The following KMT2A variants were observed in gnomAD, a reference collection of about 807,000 sequenced individuals.
The protein encoded by KMT2A is histone-lysine N-methyltransferase 2A.
Under a neutral mutation model 345.3 loss-of-function variants are expected in KMT2A, and 16 were observed. The observed-to-expected ratio is 0.05, with a 90% CI of 0.03 to 0.07. The LOEUF is 0.07. KMT2A is among the 10% of genes least tolerant of loss of function. KMT2A has a pLI of 1.00. For synonymous variants in KMT2A, 1,599 were observed against 1,778.6 expected (o/e 0.90, Z 2.54); for missense variants, 3,272 against 4,841.6 (o/e 0.68, Z 9.62).
chr11:118,506,351 A>G lies in KMT2A; in HGVS notation c.10459A>G (p.Thr3487Ala). The change falls in exon 27 of 36, where the codon ACC becomes GCC. Residue 3487 changes from threonine to alanine, a missense_variant. Thr to Ala is a moderately conservative substitution (Grantham distance 58). Around this residue, in one of 27 missense-constraint regions of KMT2A, gnomAD observed 748 missense variants for 922.2 expected, o/e 0.81. Transcript: ENST00000534358. ...TTCAGGGCCCCAGGTATCCAACTTTACCCAGACGGTAGACGCTCCTAATAG... is the reference window on the plus strand; with the variant it reads ...TTCAGGGCCCCAGGTATCCAACTTTGCCCAGACGGTAGACGCTCCTAATAG... ...SASGPQVSNF[T>A]QTVDAPNSMG... 6.2e-7 allele frequency: 1 copy of G among 1,614,020 alleles called. No homozygotes were observed. Among genetic ancestry groups the G allele is most frequent in the South Asian group, 1.1e-5 (1 of 91,076 alleles).
chr11:118,505,519 C>T lies in KMT2A; in HGVS notation c.9627C>T (p.Asp3209=), dbSNP rs782261855. 6 of 1,614,170 alleles carry T rather than the reference C, an allele frequency of 3.7e-6. No homozygotes were observed. The South Asian group carries it at 6.6e-5, about 18-fold the overall frequency. ...TTTCAGAATCCAGCCAGAGGACAGA[C>T]CTCAGTACCACAGTAGCCACTCCAT... The part of the protein sequence containing the change: ...LLVSESSQRT[D]LSTTVATPSS... The change falls in exon 27 of 36, where the codon GAC becomes GAT. Residue 3209 remains aspartate, a synonymous_variant. Transcript: ENST00000534358. The surrounding 1 kb of genome is among the most constrained non-coding windows in gnomAD (Gnocchi z 4.6).
At chr11:118,507,813 A>C in intron 28 of KMT2A, 9 of 468,826 alleles carry the variant, frequency 1.9e-5, no homozygotes, top group Non-Finnish European at 2.0e-5. Context: ...TACAAAAAGA[A>C]TTAGCCGGGC....
Position 118,495,152 on chromosome 11 carries a change from A to AT in KMT2A, c.5363+388dup, listed in dbSNP as rs1300658897. Among the ~76,000 whole-genome samples, 4 of 149,796 alleles carry AT rather than the reference A, an allele frequency of 2.7e-5. No homozygotes were observed. The highest frequency in any genetic ancestry group is 9.8e-5 in the African/African-American group (4 of 40,622). On this transcript the variant is annotated intron_variant, in intron 18 of 35. Transcript: ENST00000534358. The surrounding 1 kb of genome is among the most constrained non-coding windows in gnomAD (Gnocchi z 4.1). ...CAGTAAATTCTTTTGATTTGATTTT[A>AT]TTTATTTATTTATTTTTTTTTTTTT...
chr11:118,500,875 A>G, intron 24 of KMT2A, 112 bp from the exon 25 acceptor site: 1 of 733,602 alleles, frequency 1.4e-6, no homozygotes, highest in Non-Finnish European at 2.2e-6. Context: ...ATAAAGCTAA[A>G]CTCTGTAATT....
At chr11:118,508,560 G>T (rs1221109484) in intron 28 of KMT2A, among the ~76,000 whole-genome samples, 1 of 151,966 alleles carries the variant, frequency 6.6e-6, no homozygotes, top group Non-Finnish European at 1.5e-5. Flanking sequence ...AACATAGGGA[G>T]ACCCTCTCTC....
Position 118,520,735 on chromosome 11 carries a change from CTTCGA to C in KMT2A, c.11430-63_11430-59del. 1 of 1,186,592 alleles carries C rather than the reference CTTCGA, an allele frequency of 8.4e-7. No homozygotes were observed. Among genetic ancestry groups the C allele is most frequent in the Non-Finnish European group, 1.3e-6 (1 of 792,648 alleles). 73.5% of individuals were successfully genotyped at this position (1,186,592 alleles called of 1,614,324 possible). A position where few individuals can be genotyped will look rare whatever the true frequency, so the allele number is the denominator to read the frequency against. Reference sequence around the variant, plus strand: ...GAGTGTACTAATTGTCTCTAGGAACCTTCGATTCAAGACTCAAAACATTATTTCCT... The same window carrying C: ...GAGTGTACTAATTGTCTCTAGGAACCTTCAAGACTCAAAACATTATTTCCT... On this transcript the variant is annotated intron_variant, in intron 33 of 35. Coordinates refer to ENST00000534358, the MANE Select transcript of KMT2A (RefSeq NM_001197104.2). This position sits in a 1 kb window ranked among gnomAD's most constrained non-coding sequence, Gnocchi z 4.3.
intron 1 of KMT2A, among the ~76,000 whole-genome samples, chr11:118,460,664 AT>A (rs1314134431): frequency 2.0e-5 from 3 of 149,814 alleles, no homozygotes; most frequent in African/African-American, 7.4e-5. Flanking sequence ...CTTCAGTAAC[AT>A]TGTTTTTTTA....
At chr11:118,451,184 C>T (rs549272028) in intron 1 of KMT2A, among the ~76,000 whole-genome samples, 2 of 151,614 alleles carry the variant, frequency 1.3e-5, no homozygotes, top group South Asian at 2.1e-4. Context: ...CGTCCCTTCC[C>T]TCATGAAACT....
rs1555039208 is a variant in KMT2A at position 118,481,706 on chromosome 11, T to C, written c.3635-9T>C. 3 of 1,600,592 alleles carry C rather than the reference T, an allele frequency of 1.9e-6. No individual in the cohort carries two copies. Among genetic ancestry groups the C allele is most frequent in the Admixed American group, 1.8e-5 (1 of 56,740 alleles). ...ATAGACAGATGATGTTGTTGTGTTT[T>C]TCCCTCAGCTGTGAAAAAGAAAGAG... On this transcript the variant is annotated splice_polypyrimidine_tract_variant and intron_variant, in intron 6 of 35. Transcript: ENST00000534358.
chr11:118,485,278 T>C (rs1294338510), intron 10 of KMT2A, among the ~76,000 whole-genome samples: 1 of 152,160 alleles, frequency 6.6e-6, no homozygotes, highest in Non-Finnish European at 1.5e-5. Context: ...TTAAAAGGGA[T>C]GCTATTGATG....
chr11:118,498,767 C>T lies in KMT2A; in HGVS notation c.5961+239C>T, dbSNP rs945572692. On this transcript the variant is annotated intron_variant, in intron 22 of 35. Coordinates refer to ENST00000534358, the MANE Select transcript of KMT2A (RefSeq NM_001197104.2). This position sits in a 1 kb window ranked among gnomAD's most constrained non-coding sequence, Gnocchi z 4.4. ...CTCCTGTAGTTTACATCAGCATTCA[C>T]TCTTGGTGTTGTACATTCTGTGGGT... is the stretch of plus-strand genomic sequence containing the variant. Among the ~76,000 whole-genome samples the T allele has an allele frequency of 1.3e-5, 2 of 152,148 alleles. No individual in the cohort carries two copies.
At chr11:118,488,109 G>T (rs1555041392) in intron 10 of KMT2A, among the ~76,000 whole-genome samples, 2 of 152,306 alleles carry the variant, frequency 1.3e-5, no homozygotes, top group Admixed American at 1.3e-4. Context: ...GAACCCAGGA[G>T]GCGGAGGTTG....
At chr11:118,507,744 C>G (rs989691734) in intron 28 of KMT2A, 135 bp downstream of exon 28, 1 of 667,602 alleles carries the variant, frequency 1.5e-6, no homozygotes, top group Non-Finnish European at 2.7e-6. Flanking sequence ...GCAGGTGGAT[C>G]ACGAGGTTAG....
rs1246025237 is a variant in KMT2A, at chr11:118,490,025, G to A, written c.4576-104G>A. On this transcript the variant is annotated intron_variant, in intron 12 of 35. Transcript: ENST00000534358. The surrounding 1 kb of genome is among the most constrained non-coding windows in gnomAD (Gnocchi z 4.2). ...GCCTCATTACTAGGAAATCATCTCA[G>A]CAGAGAAATTAAATCTATAAATGGA... The A allele has an allele frequency of 4.9e-6, 7 of 1,435,698 alleles. No homozygotes were observed. The highest frequency in any genetic ancestry group is 6.7e-6 in the Non-Finnish European group (7 of 1,046,702). The allele number at this position is 1,435,698 out of a possible 1,614,324, so 88.9% of individuals were successfully genotyped here.
rs1394726782 is a variant in KMT2A, at chr11:118,520,656, A to C, written c.11430-146A>C. The C allele has an allele frequency of 6.3e-6, 4 of 632,186 alleles. No individual in the cohort carries two copies. Among genetic ancestry groups the C allele is most frequent in the Non-Finnish European group, 1.1e-5 (4 of 354,316 alleles). The allele number at this position is 632,186 out of a possible 1,614,324, so 39.2% of individuals were successfully genotyped here. ...ACAGAGCGAAACTCCATCTCAAAAA[A>C]AAAAGGGGGGCGCTCATTTTATAAG... On this transcript the variant is annotated intron_variant, in intron 33 of 35. Coordinates refer to ENST00000534358, the MANE Select transcript of KMT2A (RefSeq NM_001197104.2). This position sits in a 1 kb window ranked among gnomAD's most constrained non-coding sequence, Gnocchi z 4.3.
At chr11:118,437,007 C>T in intron 1 of KMT2A, 63 bp downstream of exon 1, 4 of 1,365,472 alleles carry the variant, frequency 2.9e-6, no homozygotes, top group Non-Finnish European at 3.8e-6. Context: ...CCTCCCCTCC[C>T]CCATCCGGGA....
At position 118,466,324 on chromosome 11, in the gene KMT2A, G is replaced by A. The variant is rs562193280; in HGVS notation, c.433-2451G>A. ...CAGCCTGAGTGACAGAGTGAGCACT[G>A]GCAAATTTTAAAATTTTCTGTAAAG... On this transcript the variant is annotated intron_variant, in intron 1 of 35. Coordinates refer to ENST00000534358, the MANE Select transcript of KMT2A (RefSeq NM_001197104.2). Among the ~76,000 whole-genome samples, 14 of 152,138 alleles carry A rather than the reference G, an allele frequency of 9.2e-5. No individual in the cohort carries two copies. The East Asian group carries it at 2.5e-3, about 27-fold the overall frequency.
At position 118,520,294 on chromosome 11, in the gene KMT2A, T is replaced by A. The variant is rs1247632425; in HGVS notation, c.11429+230T>A. ...ATGCCTGTTTTCTTTAATGATAGTA[T>A]ACTCTGTCAGCTTTGGTTGTACCAC... On this transcript the variant is annotated intron_variant, in intron 33 of 35. Transcript: ENST00000534358. The surrounding 1 kb of genome is among the most constrained non-coding windows in gnomAD (Gnocchi z 4.3). The A allele has an allele frequency of 1.4e-5, 7 of 517,852 alleles. No homozygotes were observed. The highest frequency in any genetic ancestry group is 2.4e-5 in the Non-Finnish European group (7 of 293,152). The allele number at this position is 517,852 out of a possible 1,614,324, so 32.1% of individuals were successfully genotyped here.
chr11:118,450,071 TAA>T (rs1555028367), intron 1 of KMT2A: 1 of 152,200 alleles, frequency 6.6e-6, no homozygotes, highest in African/African-American at 2.4e-5. Flanking sequence ...TAGAGAAAAA[TAA>T]ACCCTGTGAT....
Sources: allele counts gnomAD v4.1 joint callset (sites outside exome capture counted in the v4.1 genomes callset), GRCh38; gene constraint gnomAD v4.1.1; regional missense constraint gnomAD v4.1.1; non-coding constraint Gnocchi (gnomAD v3.1); transcripts MANE v1.5; gene names NCBI Gene and HGNC (gene_info 2026-07-23, HGNC 2026-07-21).